The following PLCB1 variants were observed in gnomAD, a reference collection of about 807,000 sequenced individuals.
The protein encoded by PLCB1 is 1-phosphatidylinositol 4,5-bisphosphate phosphodiesterase beta-1.
A neutral mutation model predicts 161.8 loss-of-function variants in PLCB1; 46 were observed. That is an observed-to-expected ratio of 0.28 (90% CI 0.22 to 0.36). PLCB1 has a LOEUF of 0.36. PLCB1 is among the 10% of genes least tolerant of loss of function. PLCB1 has a pLI of 1.00. For synonymous variants in PLCB1, 517 were observed against 503.7 expected (o/e 1.03, Z -0.35); for missense variants, 1,016 against 1,472.5 (o/e 0.69, Z 5.07).
At chr20:8,753,390 AC>A (rs2123554274) in intron 23 of PLCB1, among the ~76,000 whole-genome samples, 1 of 152,250 alleles carries the variant, frequency 6.6e-6, no homozygotes, top group East Asian at 1.9e-4. Context: ...GCTGGGGACC[AC>A]TGACTTAACT....
At chr20:8,763,255 G>T in intron 25 of PLCB1, among the ~76,000 whole-genome samples, 1 of 152,240 alleles carries the variant, frequency 6.6e-6, no homozygotes, top group East Asian at 1.9e-4. Context: ...AGGCTGCAGA[G>T]CAATGATGTG....
intron 31 of PLCB1, among the ~76,000 whole-genome samples, chr20:8,820,605 A>T (rs770133181): frequency 6.6e-6 from 1 of 152,230 alleles, no homozygotes; most frequent in Non-Finnish European, 1.5e-5. Flanking sequence ...GTACAGTCCT[A>T]TAACCAGAAA....
intron 2 of PLCB1, among the ~76,000 whole-genome samples, chr20:8,215,915 TC>T (rs1324950051): frequency 6.6e-6 from 1 of 152,038 alleles, no homozygotes; most frequent in Non-Finnish European, 1.5e-5. Flanking sequence ...AAGAGAGAAA[TC>T]TACTTTATGC....
intron 3 of PLCB1, among the ~76,000 whole-genome samples, chr20:8,389,159 G>A (rs79299012): frequency 0.02 from 3,087 of 152,146 alleles, 120 homozygotes; most frequent in African/African-American, 0.069. Flanking sequence ...TTCTGGGGTG[G>A]TATAATTTCC....
At chr20:8,471,676 G>A (rs1196847771) in intron 3 of PLCB1, among the ~76,000 whole-genome samples, 1 of 152,118 alleles carries the variant, frequency 6.6e-6, no homozygotes, top group Non-Finnish European at 1.5e-5. Context: ...TTGACCCCCT[G>A]CTAGGTGAAT....
Position 8,855,230 on chromosome 20 carries a change from T to C in PLCB1, c.3424-26392T>C, listed in dbSNP as rs189195568. 3.1e-3 allele frequency among the ~76,000 whole-genome samples: 477 copies of C among 152,150 alleles called. 3 individuals carry two copies. Among genetic ancestry groups the C allele is most frequent in the African/African-American group, 0.01 (425 of 41,498 alleles). On this transcript the variant is annotated intron_variant, in intron 31 of 31. Coordinates refer to ENST00000338037, the MANE Select transcript of PLCB1 (RefSeq NM_015192.4). ...AGCAGATTCTTCCCCCCCCACTCACTCCCACCAATTCTAGGGAGTTATCTC... is the reference window on the plus strand; with the variant it reads ...AGCAGATTCTTCCCCCCCCACTCACCCCCACCAATTCTAGGGAGTTATCTC...
intron 3 of PLCB1, among the ~76,000 whole-genome samples, chr20:8,507,705 C>T (rs1983695222): frequency 6.6e-6 from 1 of 151,588 alleles, no homozygotes. Context: ...TGGTGGTAGG[C>T]CCAGGGGGAT....
At chr20:8,226,768 A>G (rs1402795447) in intron 2 of PLCB1, among the ~76,000 whole-genome samples, 1 of 151,608 alleles carries the variant, frequency 6.6e-6, no homozygotes, top group Non-Finnish European at 1.5e-5. Flanking sequence ...GCTCACTGCA[A>G]CCTCCACCCT....
At chr20:8,481,937 G>A (rs1244737445) in intron 3 of PLCB1, among the ~76,000 whole-genome samples, 1 of 151,856 alleles carries the variant, frequency 6.6e-6, no homozygotes, top group Non-Finnish European at 1.5e-5. Context: ...TAAGTATCAT[G>A]ATAACTTTCA....
rs931238711 is a variant in PLCB1, at chr20:8,882,723, G to A, written c.*874G>A. On this transcript the variant is annotated 3_prime_UTR_variant, in exon 32 of 32. Transcript: ENST00000338037. ...TGTTAAGCAGATATTCAATCAGAAT[G>A]AACAGGTTCCGGTGGTTATTTTGCC... 12 of 152,240 alleles carry A rather than the reference G, an allele frequency of 7.9e-5. No homozygotes were observed. The highest frequency in any genetic ancestry group is 7.2e-4 in the Admixed American group (11 of 15,282). The allele number at this position is 152,240 out of a possible 1,614,324, so 9.4% of individuals were successfully genotyped here.
chr20:8,140,615 A>C (rs1322990692), intron 1 of PLCB1, among the ~76,000 whole-genome samples: 1 of 152,110 alleles, frequency 6.6e-6, no homozygotes, highest in Non-Finnish European at 1.5e-5. Context: ...TGTCTTTTGC[A>C]TTTCACGTAG....
chr20:8,437,853 AG>A (rs1281844489), intron 3 of PLCB1, among the ~76,000 whole-genome samples: 2 of 152,232 alleles, frequency 1.3e-5, no homozygotes, highest in African/African-American at 4.8e-5. Context: ...TTGAAAACTT[AG>A]TAGGCCACAT....
intron 3 of PLCB1, among the ~76,000 whole-genome samples, chr20:8,626,800 C>T (rs142658282): frequency 2.6e-4 from 40 of 152,284 alleles, no homozygotes; most frequent in African/African-American, 8.2e-4. Context: ...CTCTTTGAAC[C>T]TTGTCTCAAT....
At position 8,658,539 on chromosome 20, in the gene PLCB1, G is replaced by A; in HGVS notation, c.697G>A (p.Gly233Ser). 1 of 1,588,406 alleles carries A rather than the reference G, an allele frequency of 6.3e-7. No individual in the cohort carries two copies. The change falls in exon 9 of 32, where the codon GGT becomes AGT. Residue 233 changes from glycine to serine, a missense_variant and splice_region_variant. Physicochemically the swap from Gly to Ser is moderately conservative, Grantham distance 56 (BLOSUM62 0). Transcript: ENST00000338037. Reference protein sequence around the residue: ...PEIDNIFSEFGAKSKPYLTVD... With the variant: ...PEIDNIFSEFSAKSKPYLTVD... Reference sequence around the variant, plus strand: ...TGCTTGGTTTTTCATTGTTTTTAGTGGTGCAAAAAGCAAACCATATCTTAC... The same window carrying A: ...TGCTTGGTTTTTCATTGTTTTTAGTAGTGCAAAAAGCAAACCATATCTTAC...
At chr20:8,731,188 A>T (rs1413533668) in intron 18 of PLCB1, among the ~76,000 whole-genome samples, 1 of 151,894 alleles carries the variant, frequency 6.6e-6, no homozygotes, top group African/African-American at 2.4e-5. Flanking sequence ...GGCTTTTTAA[A>T]ATCAATTAAT....
At chr20:8,481,696 A>G (rs1982503471) in intron 3 of PLCB1, among the ~76,000 whole-genome samples, 1 of 152,156 alleles carries the variant, frequency 6.6e-6, no homozygotes, top group Admixed American at 6.5e-5. Flanking sequence ...CCCCAACTAG[A>G]GTTTATGTGC....
At chr20:8,503,421 A>G (rs749951700) in intron 3 of PLCB1, among the ~76,000 whole-genome samples, 3 of 152,112 alleles carry the variant, frequency 2.0e-5, no homozygotes, top group Admixed American at 6.5e-5. Context: ...TCTCTTTGAC[A>G]TGACCTTTTC....
intron 4 of PLCB1, among the ~76,000 whole-genome samples, chr20:8,638,655 C>T (rs2123256041): frequency 6.6e-6 from 1 of 152,236 alleles, no homozygotes; most frequent in East Asian, 1.9e-4. Flanking sequence ...TTTCCAACCC[C>T]TCTGAACAAC....
At chr20:8,740,079 A>G (rs1309112617) in intron 21 of PLCB1, among the ~76,000 whole-genome samples, 1 of 152,256 alleles carries the variant, frequency 6.6e-6, no homozygotes, top group Non-Finnish European at 1.5e-5. Flanking sequence ...GTTTGGATCA[A>G]TAATTCAGTC....
Sources: allele counts gnomAD v4.1 joint callset (sites outside exome capture counted in the v4.1 genomes callset), GRCh38; gene constraint gnomAD v4.1.1; transcripts MANE v1.5; gene names NCBI Gene and HGNC (gene_info 2026-07-23, HGNC 2026-07-21).